Variants in ZNF76 observed in about 807,000 individuals in gnomAD.
The protein encoded by ZNF76 is zinc finger protein 523.
A neutral mutation model predicts 66.9 loss-of-function variants in ZNF76; 66 were observed. The observed-to-expected ratio is 0.99, with a 90% CI of 0.81 to 1.21. ZNF76 has a LOEUF of 1.21. ZNF76 is among the 50% of genes most tolerant of loss of function. ZNF76 has a pLI of 0.00. For missense variants in ZNF76, 729 were observed against 760.3 expected (o/e 0.96, Z 0.48); for synonymous variants, 275 against 296.1 (o/e 0.93, Z 0.73).
chr6:35,264,248 G>C (rs1410552475), intron 1 of ZNF76, among the ~76,000 whole-genome samples: 3 of 152,220 alleles, frequency 2.0e-5, no homozygotes, highest in Non-Finnish European at 4.4e-5. Flanking sequence ...CATGTCCCTT[G>C]ATTTAAACGT....
chr6:35,278,388 G>T (rs974814473), intron 1 of ZNF76, among the ~76,000 whole-genome samples: 1 of 152,144 alleles, frequency 6.6e-6, no homozygotes, highest in Non-Finnish European at 1.5e-5. Context: ...GGCTGGTCTC[G>T]AACTCCTGGA....
Position 35,294,881 on chromosome 6 carries a change from C to T in ZNF76, c.1609-263C>T, listed in dbSNP as rs114708939. 437 of 572,602 alleles carry T rather than the reference C, an allele frequency of 7.6e-4. 1 individual carries two copies. The highest frequency in any genetic ancestry group is 7.4e-3 in the African/African-American group (397 of 53,528). 35.5% of individuals were successfully genotyped at this position (572,602 alleles called of 1,614,324 possible). A position where few individuals can be genotyped will look rare whatever the true frequency, so the allele number is the denominator to read the frequency against. ...AGGAGGCTGACGTAGATGATCACCACGGTTCTCTTCAGCCAGTCCTTCCTC... is the reference window on the plus strand; with the variant it reads ...AGGAGGCTGACGTAGATGATCACCATGGTTCTCTTCAGCCAGTCCTTCCTC... On this transcript the variant is annotated intron_variant, in intron 13 of 13. Transcript: ENST00000373953.
Position 35,281,080 on chromosome 6 carries a change from T to A in ZNF76, c.-72T>A, listed in dbSNP as rs1788708004. 4.9e-6 allele frequency: 7 copies of A among 1,417,026 alleles called. No individual in the cohort carries two copies. The highest frequency in any genetic ancestry group is 6.0e-6 in the Non-Finnish European group (6 of 1,000,552). 87.8% of individuals were successfully genotyped at this position (1,417,026 alleles called of 1,614,324 possible). On this transcript the variant is annotated 5_prime_UTR_variant, in exon 2 of 14. Transcript: ENST00000373953. ...GATTTGTGACCCAGAAGGAAATCTCTGACCTCAGCTGTGGCTCTTGGTGCT... is the reference window on the plus strand; with the variant it reads ...GATTTGTGACCCAGAAGGAAATCTCAGACCTCAGCTGTGGCTCTTGGTGCT...
Position 35,290,284 on chromosome 6 carries a change from A to C in ZNF76, c.451A>C (p.Ile151Leu), listed in dbSNP as rs756750857. The C allele has an allele frequency of 9.3e-6, 15 of 1,614,054 alleles. No individual in the cohort carries two copies. In the Admixed American group the frequency reaches 1.0e-4, roughly 11 times the overall value. ...YASKVLHDSQ[I>L]PRNGKGQQVG... ...CCCCCAGGTTCTTCATGACAGCCAGATTCCCCGTAATGGAAAAGGGCAGCA... is the reference window on the plus strand; with the variant it reads ...CCCCCAGGTTCTTCATGACAGCCAGCTTCCCCGTAATGGAAAAGGGCAGCA... The change falls in exon 6 of 14, where the codon ATT becomes CTT. Residue 151 changes from isoleucine to leucine, a missense_variant. Ile to Leu is a conservative substitution (Grantham distance 5). Coordinates refer to ENST00000373953, the MANE Select transcript of ZNF76 (RefSeq NM_003427.5).
intron 1 of ZNF76, chr6:35,270,355 T>G (rs1321617649): frequency 3.9e-5 from 6 of 151,932 alleles, no homozygotes; most frequent in African/African-American, 1.4e-4. Flanking sequence ...CAGGCTGGTC[T>G]CAAACTCCTG....
At position 35,292,588 on chromosome 6, in the gene ZNF76, C is replaced by T. The variant is rs377680153; in HGVS notation, c.966C>T (p.Cys322=). The part of the protein sequence containing the change: ...EKPYVCTVPG[C]GKRFTEYSSL... ...CATACGTTTGCACGGTGCCAGGCTG[C>T]GGGAAACGCTTCACCGAGTACTCGA... The change falls in exon 10 of 14, where the codon TGC becomes TGT. Residue 322 remains cysteine, a synonymous_variant. Transcript: ENST00000373953. This position sits in a 1 kb window ranked among gnomAD's most constrained non-coding sequence, Gnocchi z 4.7. 21 of 1,613,512 alleles carry T rather than the reference C, an allele frequency of 1.3e-5. No homozygotes were observed. The highest frequency in any genetic ancestry group is 2.7e-5 in the African/African-American group (2 of 74,906).
At chr6:35,282,685 T>TAA (rs1788950420) in intron 2 of ZNF76, among the ~76,000 whole-genome samples, 1 of 152,256 alleles carries the variant, frequency 6.6e-6, no homozygotes, top group Non-Finnish European at 1.5e-5. Flanking sequence ...CATTGCAACA[T>TAA]TGCCCTCCTT....
In ZNF76 at chr6:35,286,135, G is replaced by C; in HGVS notation, c.81G>C (p.Lys27Asn). 6.2e-7 allele frequency: 1 copy of C among 1,614,154 alleles called. No homozygotes were observed. Among genetic ancestry groups the C allele is most frequent in the East Asian group, 2.2e-5 (1 of 44,878 alleles). ...AYVQQAVKGE[K>N]LLEGQVIQLE... is the part of the protein sequence containing the mutation. ...TATTTCCACTCTTAACAGGAGAGAA[G>C]CTTCTTGAAGGGCAGGTGATCCAGC... The change falls in exon 3 of 14, where the codon AAG (lysine) becomes AAC (asparagine). Residue 27 changes from lysine (K) to asparagine (N), a missense_variant. By Grantham distance (94) the Lys-to-Asn change is moderately conservative. Coordinates refer to ENST00000373953, the MANE Select transcript of ZNF76 (RefSeq NM_003427.5).
At chr6:35,260,243 A>G (rs1408617477) in intron 1 of ZNF76, among the ~76,000 whole-genome samples, 1 of 151,852 alleles carries the variant, frequency 6.6e-6, no homozygotes, top group Non-Finnish European at 1.5e-5. Flanking sequence ...TGACCCTGAG[A>G]TCCCCACACT....
chr6:35,292,285 T>G lies in ZNF76; in HGVS notation c.932-269T>G. 1 of 531,078 alleles carries G rather than the reference T, an allele frequency of 1.9e-6. No individual in the cohort carries two copies. Among genetic ancestry groups the G allele is most frequent in the Non-Finnish European group, 3.4e-6 (1 of 291,996 alleles). The allele number at this position is 531,078 out of a possible 1,614,324, so 32.9% of individuals were successfully genotyped here. A position where few individuals can be genotyped will look rare whatever the true frequency, so the allele number is the denominator to read the frequency against. On this transcript the variant is annotated intron_variant, in intron 9 of 13. Coordinates refer to ENST00000373953, the MANE Select transcript of ZNF76 (RefSeq NM_003427.5). This position sits in a 1 kb window ranked among gnomAD's most constrained non-coding sequence, Gnocchi z 4.7. The stretch of plus-strand genomic sequence containing the variant: ...CCACCCTCAACCTTATAAGCCCCAG[T>G]GCCCCCTACCAGCCCCTTCACTAGC...
At position 35,295,506 on chromosome 6, in the gene ZNF76, CA is replaced by C; in HGVS notation, c.*262del. 1 of 491,012 alleles carries C rather than the reference CA, an allele frequency of 2.0e-6. No individual in the cohort carries two copies. Among genetic ancestry groups the C allele is most frequent in the Non-Finnish European group, 3.8e-6 (1 of 265,618 alleles). 30.4% of individuals were successfully genotyped at this position (491,012 alleles called of 1,614,324 possible). A position where few individuals can be genotyped will look rare whatever the true frequency, so the allele number is the denominator to read the frequency against. On this transcript the variant is annotated 3_prime_UTR_variant, in exon 14 of 14. Coordinates refer to ENST00000373953, the MANE Select transcript of ZNF76 (RefSeq NM_003427.5). ...AGGCTACACCAGGGCACCCGCCTCT[CA>C]AAATCAGCTGGGCGCCCACTCTCCT... is the stretch of plus-strand genomic sequence containing the variant.
chr6:35,262,499 A>G (rs1408387021), intron 1 of ZNF76, among the ~76,000 whole-genome samples: 1 of 151,958 alleles, frequency 6.6e-6, no homozygotes, highest in African/African-American at 2.4e-5. Flanking sequence ...CTGTGAACTC[A>G]CTCACCATAC....
chr6:35,286,227 A>G lies in ZNF76; in HGVS notation c.154+19A>G. 1 of 1,613,888 alleles carries G rather than the reference A, an allele frequency of 6.2e-7. No homozygotes were observed. The highest frequency in any genetic ancestry group is 8.5e-7 in the Non-Finnish European group (1 of 1,179,794). ...CAGAAAGGTGAGGGCACCCCAACAC[A>G]CCATGCCTTGTCGAGGGAAGCCTGA... On this transcript the variant is annotated intron_variant, in intron 3 of 13. Transcript: ENST00000373953.
rs189640204 is a variant in ZNF76, at chr6:35,292,331, C to T, written c.932-223C>T. On this transcript the variant is annotated intron_variant, in intron 9 of 13. Transcript: ENST00000373953. The surrounding 1 kb of genome is among the most constrained non-coding windows in gnomAD (Gnocchi z 4.7). Reference sequence around the variant, plus strand: ...CTAGCCCCAGCCTTGCCCTGTCCCCCGTTTCCTTTCCGCCTTGTCTCTGGA... The same window carrying T: ...CTAGCCCCAGCCTTGCCCTGTCCCCTGTTTCCTTTCCGCCTTGTCTCTGGA... 4.2e-4 allele frequency: 248 copies of T among 591,222 alleles called. 1 individual carries two copies. The highest frequency in any genetic ancestry group is 1.8e-3 in the Middle Eastern group (4 of 2,210). 36.6% of individuals were successfully genotyped at this position (591,222 alleles called of 1,614,324 possible).
chr6:35,259,720 C>G (rs907639179), upstream of ZNF76: 1 of 152,546 alleles, frequency 6.6e-6, no homozygotes, highest in Non-Finnish European at 1.5e-5. Flanking sequence ...ACCTGGATAT[C>G]GCGCGAGGCA....
intron 5 of ZNF76, among the ~76,000 whole-genome samples, chr6:35,289,108 C>T (rs1790014901): frequency 6.6e-6 from 1 of 152,144 alleles, no homozygotes; most frequent in African/African-American, 2.4e-5. Flanking sequence ...GAGATCTATG[C>T]TTGCTCTACC....
chr6:35,261,249 T>C (rs1785211101), intron 1 of ZNF76, among the ~76,000 whole-genome samples: 2 of 152,212 alleles, frequency 1.3e-5, no homozygotes, highest in Admixed American at 1.3e-4. Context: ...TCTTACTCTG[T>C]CCTGAGTGCT....
rs527651716 is a variant in ZNF76, at chr6:35,294,192, A to G, written c.1495-264A>G. 13 of 582,416 alleles carry G rather than the reference A, an allele frequency of 2.2e-5. No individual in the cohort carries two copies. The South Asian group carries it at 2.8e-4, about 12-fold the overall frequency. 36.1% of individuals were successfully genotyped at this position (582,416 alleles called of 1,614,324 possible). A position where few individuals can be genotyped will look rare whatever the true frequency, so the allele number is the denominator to read the frequency against. On this transcript the variant is annotated intron_variant, in intron 12 of 13. Transcript: ENST00000373953. Reference sequence around the variant, plus strand: ...TTCCATGGACTTCTGTCCATTTTCAAGTGAGGGGATTAAAATATCTCTGGA... The same window carrying G: ...TTCCATGGACTTCTGTCCATTTTCAGGTGAGGGGATTAAAATATCTCTGGA...
Position 35,293,003 on chromosome 6 carries a change from GC to G in ZNF76, c.1294del (p.Gln432ArgfsTer4). On this transcript the variant is annotated frameshift_variant, in exon 11 of 14. Transcript: ENST00000373953. LOFTEE classifies it high-confidence loss of function. Reference protein sequence around the residue: ...QVAMVTEEDGAPQVALITQDG... With the variant: ...QVAMVTEEDGXPQVALITQDG... Reference sequence around the variant, plus strand: ...GGCGATGGTGACTGAAGAAGATGGGGCCCCCCAGGTGGCTCTGATCACTCAG... The same window carrying G: ...GGCGATGGTGACTGAAGAAGATGGGGCCCCCAGGTGGCTCTGATCACTCAG... 1 of 1,614,116 alleles carries G rather than the reference GC, an allele frequency of 6.2e-7. No individual in the cohort carries two copies. The highest frequency in any genetic ancestry group is 8.5e-7 in the Non-Finnish European group (1 of 1,180,022).
Sources: allele counts gnomAD v4.1 joint callset (sites outside exome capture counted in the v4.1 genomes callset), GRCh38; gene constraint gnomAD v4.1.1; non-coding constraint Gnocchi (gnomAD v3.1); transcripts MANE v1.5; gene names NCBI Gene and HGNC (gene_info 2026-07-23, HGNC 2026-07-21).